The following ABHD2 variants were observed in gnomAD, a reference collection of about 807,000 sequenced individuals.
ABHD2 encodes abhydrolase domain containing 2, acylglycerol lipase, also known as monoacylglycerol lipase ABHD2.
A neutral mutation model predicts 48.1 loss-of-function variants in ABHD2; 20 were observed. The ratio of observed to expected loss-of-function variants is 0.42; its 90% confidence interval spans 0.29 to 0.60. ABHD2 has a LOEUF of 0.60. Ranked by LOEUF, ABHD2 falls within the 20% of genes least tolerant of loss-of-function variation. The pLI is 0.24. For missense variants in ABHD2, 405 were observed against 550.9 expected (o/e 0.74, Z 2.65); for synonymous variants, 209 against 214.2 (o/e 0.98, Z 0.21).
At chr15:89,144,380 G>A (rs2050458164) in intron 3 of ABHD2, among the ~76,000 whole-genome samples, 1 of 152,168 alleles carries the variant, frequency 6.6e-6, no homozygotes, top group Admixed American at 6.5e-5. Context: ...TGATCTGCCT[G>A]CCTTGGCCTC....
At chr15:89,099,230 G>A (rs147263641) in intron 1 of ABHD2, among the ~76,000 whole-genome samples, 7 of 152,258 alleles carry the variant, frequency 4.6e-5, no homozygotes, top group Non-Finnish European at 8.8e-5. Context: ...TTAAAATCAC[G>A]AACACTTTAT....
chr15:89,055,770 G>A, the ABHD2 span, among the ~76,000 whole-genome samples: 5 of 150,384 alleles, frequency 3.3e-5, 1 homozygote, highest in African/African-American at 5.0e-5. Context: ...TTAAGAGTGA[G>A]ATGAAGTGAG....
the ABHD2 span, among the ~76,000 whole-genome samples, chr15:89,055,804 A>T: frequency 6.6e-6 from 1 of 152,204 alleles, no homozygotes; most frequent in African/African-American, 2.4e-5. Flanking sequence ...ACTTGTCAAA[A>T]TGATCATGAT....
chr15:89,080,387 C>G, the ABHD2 span, among the ~76,000 whole-genome samples: 1 of 152,162 alleles, frequency 6.6e-6, no homozygotes, highest in African/African-American at 2.4e-5. Context: ...TTAAGAGGAG[C>G]CTGGGAACTC....
At chr15:89,117,407 C>T (rs181652471) in intron 3 of ABHD2, among the ~76,000 whole-genome samples, 8 of 152,340 alleles carry the variant, frequency 5.3e-5, no homozygotes, top group African/African-American at 1.9e-4. Flanking sequence ...AGGGAATCTG[C>T]ACTCTGTGTC....
In ABHD2 at chr15:89,189,909, T is replaced by C. The variant is rs564389446; in HGVS notation, c.927-1171T>C. 2.0e-4 allele frequency among the ~76,000 whole-genome samples: 31 copies of C among 152,290 alleles called. 1 individual carries two copies. In the South Asian group the frequency reaches 6.4e-3, roughly 32 times the overall value. On this transcript the variant is annotated intron_variant, in intron 8 of 10. Transcript: ENST00000352732. The surrounding 1 kb of genome is among the most constrained non-coding windows in gnomAD (Gnocchi z 4.9). ...GCGTTGGAAAATAGCAGTTTTATGA[T>C]CATAACCAGTCTTGGTGGCTTCCTC...
At chr15:89,073,685 G>A in the ABHD2 span, among the ~76,000 whole-genome samples, 9 of 152,080 alleles carry the variant, frequency 5.9e-5, no homozygotes, top group Admixed American at 4.6e-4. Flanking sequence ...GAAGCATCTC[G>A]GGATCTTGCC....
rs2050486792 is a variant in ABHD2, at chr15:89,146,088, C to A, written c.195-5589C>A. Among the ~76,000 whole-genome samples the A allele has an allele frequency of 6.6e-6, 1 of 152,092 alleles. No homozygotes were observed. Among genetic ancestry groups the A allele is most frequent in the African/African-American group, 2.4e-5 (1 of 41,398 alleles). On this transcript the variant is annotated intron_variant, in intron 3 of 10. Coordinates refer to ENST00000352732, the MANE Select transcript of ABHD2 (RefSeq NM_152924.5). This position sits in a 1 kb window ranked among gnomAD's most constrained non-coding sequence, Gnocchi z 4.2. Reference sequence around the variant, plus strand: ...GAGGACTCAATCTCAGGCAACATATCCTAAACATCTAGTGTGTGCCAAGTC... The same window carrying A: ...GAGGACTCAATCTCAGGCAACATATACTAAACATCTAGTGTGTGCCAAGTC...
At chr15:89,125,976 C>G (rs185534514) in intron 3 of ABHD2, among the ~76,000 whole-genome samples, 2 of 152,278 alleles carry the variant, frequency 1.3e-5, no homozygotes, top group Non-Finnish European at 2.9e-5. Context: ...AGTCAAGACT[C>G]CCGTGATTTA....
chr15:89,050,506 C>G, the ABHD2 span, among the ~76,000 whole-genome samples: 2 of 152,210 alleles, frequency 1.3e-5, no homozygotes, highest in Non-Finnish European at 2.9e-5. Flanking sequence ...TTGTAAAACA[C>G]AAAGTTAAAC....
the ABHD2 span, among the ~76,000 whole-genome samples, chr15:89,075,004 C>G: frequency 6.6e-6 from 1 of 152,170 alleles, no homozygotes. The surrounding 1 kb of genome is among the most constrained non-coding windows in gnomAD (Gnocchi z 4.1). Flanking sequence ...AACTTTAGTA[C>G]AGAGACACCC....
chr15:89,104,518 C>G lies in ABHD2; in HGVS notation c.-106-9207C>G, dbSNP rs190612782. ...CCCCACAGTGTGTATTAGCCAAGTA[C>G]TGGGGGCACTGGGAGCCTTGTCTGC... is the stretch of plus-strand genomic sequence containing the variant. On this transcript the variant is annotated intron_variant, in intron 1 of 10. Transcript: ENST00000352732. This position sits in a 1 kb window ranked among gnomAD's most constrained non-coding sequence, Gnocchi z 4.4. 1.6e-4 allele frequency among the ~76,000 whole-genome samples: 25 copies of G among 152,180 alleles called. No homozygotes were observed. Among genetic ancestry groups the G allele is most frequent in the African/African-American group, 5.8e-4 (24 of 41,436 alleles).
chr15:89,050,035 T>G, the ABHD2 span, among the ~76,000 whole-genome samples: 2 of 152,210 alleles, frequency 1.3e-5, no homozygotes, highest in Non-Finnish European at 2.9e-5. Flanking sequence ...GACTACATTT[T>G]CATAGGTCTA....
the ABHD2 span, among the ~76,000 whole-genome samples, chr15:89,055,030 A>G: frequency 4.6e-5 from 7 of 151,976 alleles, no homozygotes; most frequent in African/African-American, 1.4e-4. Context: ...GTCCAAGACC[A>G]GCCTCGGCAA....
intron 8 of ABHD2, 102 bp from the exon 9 acceptor site, chr15:89,190,978 C>G: frequency 8.8e-7 from 1 of 1,132,690 alleles, no homozygotes; most frequent in Non-Finnish European, 1.3e-6. Flanking sequence ...ACCAATGCCA[C>G]AAGTTAGCGT....
At chr15:89,045,217 A>G in the ABHD2 span, among the ~76,000 whole-genome samples, 2 of 151,644 alleles carry the variant, frequency 1.3e-5, no homozygotes, top group South Asian at 2.1e-4. Flanking sequence ...ATAGTTGTAG[A>G]TATGCGGCGT....
chr15:89,161,467 C>G (rs1421090941), intron 5 of ABHD2, among the ~76,000 whole-genome samples: 1 of 152,172 alleles, frequency 6.6e-6, no homozygotes, highest in Non-Finnish European at 1.5e-5. Context: ...ATGGTGCAAT[C>G]TCAGCTCACT....
In ABHD2 at chr15:89,175,449, C is replaced by T. The variant is rs1284016251; in HGVS notation, c.539-363C>T. The stretch of plus-strand genomic sequence containing the variant: ...GCTTTTATTTAGGTCTGTGTGTGAG[C>T]ATATGTGCTCATGCACACCCTGAAA... On this transcript the variant is annotated intron_variant, in intron 5 of 10. Transcript: ENST00000352732. The surrounding 1 kb of genome is among the most constrained non-coding windows in gnomAD (Gnocchi z 5.7). 6.6e-6 allele frequency among the ~76,000 whole-genome samples: 1 copy of T among 152,286 alleles called. No homozygotes were observed. The highest frequency in any genetic ancestry group is 1.9e-4 in the East Asian group (1 of 5,176).
rs562083627 is a variant in ABHD2 at position 89,188,596 on chromosome 15, C to G, written c.926+293C>G. ...GCGTGCAGGCCCTAGCATGGGCAGT[C>G]TTCACCCTACCTGTCCTGCCTCAAC... On this transcript the variant is annotated intron_variant, in intron 8 of 10. Coordinates refer to ENST00000352732, the MANE Select transcript of ABHD2 (RefSeq NM_152924.5). This position sits in a 1 kb window ranked among gnomAD's most constrained non-coding sequence, Gnocchi z 4.1. 2.6e-5 allele frequency among the ~76,000 whole-genome samples: 4 copies of G among 152,340 alleles called. No homozygotes were observed. The highest frequency in any genetic ancestry group is 9.6e-5 in the African/African-American group (4 of 41,584).
Sources: allele counts gnomAD v4.1 joint callset (sites outside exome capture counted in the v4.1 genomes callset), GRCh38; gene constraint gnomAD v4.1.1; non-coding constraint Gnocchi (gnomAD v3.1); transcripts MANE v1.5; gene names NCBI Gene and HGNC (gene_info 2026-07-23, HGNC 2026-07-21).